EGFLAM: variants seen among roughly 807,000 people sequenced by gnomAD.
EGFLAM encodes the protein pikachurin.
A neutral mutation model predicts 113.1 loss-of-function variants in EGFLAM; 79 were observed. That is an observed-to-expected ratio of 0.70 (90% CI 0.58 to 0.84). The LOEUF (loss-of-function observed/expected upper bound fraction) is 0.84, where lower values mean the gene tolerates loss of function less well. EGFLAM is among the 40% of genes least tolerant of loss of function. The pLI is 0.00. For synonymous variants in EGFLAM, 504 were observed against 487.6 expected (o/e 1.03, Z -0.44); for missense variants, 1,265 against 1,291.6 (o/e 0.98, Z 0.32).
intron 1 of EGFLAM, among the ~76,000 whole-genome samples, chr5:38,336,771 C>A (rs1249565730): frequency 1.3e-5 from 2 of 151,732 alleles, no homozygotes; most frequent in African/African-American, 2.4e-5. Context: ...TTCCAAAATC[C>A]AAAAAAATCT....
intron 1 of EGFLAM, among the ~76,000 whole-genome samples, chr5:38,259,771 C>T (rs1757453075): frequency 6.6e-6 from 1 of 152,154 alleles, no homozygotes; most frequent in Non-Finnish European, 1.5e-5. Flanking sequence ...AACAATATTA[C>T]TTTTATTTGA....
chr5:38,405,963 A>G (rs1579880957), intron 6 of EGFLAM, 163 bp from the exon 7 acceptor site: 7 of 637,404 alleles, frequency 1.1e-5, no homozygotes, highest in Non-Finnish European at 2.0e-5. Context: ...CTTTTTTTAT[A>G]TCTTTTGGTC....
chr5:38,361,332 A>G (rs574447832), intron 5 of EGFLAM, among the ~76,000 whole-genome samples: 10 of 152,246 alleles, frequency 6.6e-5, no homozygotes, highest in African/African-American at 2.2e-4. Context: ...TATACCTCCA[A>G]CATTTACTTG....
chr5:38,412,763 G>C, intron 11 of EGFLAM, 115 bp downstream of exon 11: 6 of 1,419,990 alleles, frequency 4.2e-6, no homozygotes, highest in Non-Finnish European at 3.7e-6. Flanking sequence ...TTCTGGATGG[G>C]CTTGGTAAGG....
chr5:38,266,502 A>T (rs914055948), intron 1 of EGFLAM, among the ~76,000 whole-genome samples: 1 of 152,224 alleles, frequency 6.6e-6, no homozygotes, highest in Non-Finnish European at 1.5e-5. Flanking sequence ...AGGAAGAAAA[A>T]CCTGAAAGAA....
At chr5:38,418,699 C>T (rs1437527476) in intron 12 of EGFLAM, among the ~76,000 whole-genome samples, 2 of 152,216 alleles carry the variant, frequency 1.3e-5, no homozygotes, top group African/African-American at 4.8e-5. Flanking sequence ...CAAACATCTT[C>T]TCATATGCTC....
chr5:38,406,332 T>A, intron 7 of EGFLAM, 91 bp downstream of exon 7: 1 of 1,122,242 alleles, frequency 8.9e-7, no homozygotes, highest in Non-Finnish European at 1.3e-6. Flanking sequence ...ACATTTTACT[T>A]AAAACTTAAA....
At chr5:38,342,203 T>C (rs1434508637) in intron 3 of EGFLAM, among the ~76,000 whole-genome samples, 1 of 152,158 alleles carries the variant, frequency 6.6e-6, no homozygotes, top group Non-Finnish European at 1.5e-5. Context: ...CATGTACTCC[T>C]TCATCTCACA....
chr5:38,413,780 C>T (rs189500208), intron 11 of EGFLAM, among the ~76,000 whole-genome samples: 5 of 152,254 alleles, frequency 3.3e-5, no homozygotes, highest in East Asian at 1.9e-4. Flanking sequence ...CTTTTTGGCA[C>T]GAGGGACCAG....
chr5:38,387,025 A>G (rs1740680865), intron 6 of EGFLAM, among the ~76,000 whole-genome samples: 1 of 152,154 alleles, frequency 6.6e-6, no homozygotes, highest in African/African-American at 2.4e-5. Context: ...CATCACGGTG[A>G]CTTTGGGGAT....
At chr5:38,259,091 G>T (rs1757433908) in intron 1 of EGFLAM, among the ~76,000 whole-genome samples, 1 of 152,250 alleles carries the variant, frequency 6.6e-6, no homozygotes, top group Non-Finnish European at 1.5e-5. Flanking sequence ...GTAGATAGAG[G>T]TGGTGGTCCC....
intron 17 of EGFLAM, among the ~76,000 whole-genome samples, chr5:38,442,272 G>T (rs1287218838): frequency 6.8e-6 from 1 of 146,876 alleles, no homozygotes; most frequent in Non-Finnish European, 1.5e-5. Flanking sequence ...TATATTAAAT[G>T]TTATGTCATT....
At chr5:38,430,768 T>A (rs1742162814) in intron 14 of EGFLAM, among the ~76,000 whole-genome samples, 1 of 152,126 alleles carries the variant, frequency 6.6e-6, no homozygotes, top group Admixed American at 6.5e-5. Context: ...GTATTTCCAG[T>A]CCAAGCCTGA....
At chr5:38,315,921 C>G (rs1465739227) in intron 1 of EGFLAM, among the ~76,000 whole-genome samples, 1 of 151,890 alleles carries the variant, frequency 6.6e-6, no homozygotes, top group East Asian at 1.9e-4. Flanking sequence ...ACTAAAAATA[C>G]AAAAAATTAG....
chr5:38,338,474 T>C (rs1328419322), intron 2 of EGFLAM, among the ~76,000 whole-genome samples: 1 of 152,198 alleles, frequency 6.6e-6, no homozygotes. Flanking sequence ...ACCTCTGCAT[T>C]TCACTTCATT....
intron 6 of EGFLAM, among the ~76,000 whole-genome samples, chr5:38,380,915 T>C (rs967369187): frequency 2.6e-5 from 4 of 152,128 alleles, no homozygotes; most frequent in Admixed American, 6.5e-5. Flanking sequence ...CTAAAGCAAA[T>C]GATAAGGAAA....
At chr5:38,458,283 T>A in intron 19 of EGFLAM, 28 bp from the exon 20 acceptor site, 1 of 1,608,194 alleles carries the variant, frequency 6.2e-7, no homozygotes, top group Non-Finnish European at 8.5e-7. Flanking sequence ...TATTCTGTTC[T>A]CTGTCTTCTT....
intron 6 of EGFLAM, among the ~76,000 whole-genome samples, chr5:38,374,801 C>T (rs577180901): frequency 6.6e-6 from 1 of 152,322 alleles, no homozygotes; most frequent in African/African-American, 2.4e-5. Context: ...GTTAGTTCGG[C>T]CTACGCCCAG....
intron 10 of EGFLAM, among the ~76,000 whole-genome samples, chr5:38,412,124 C>G (rs924582459): frequency 6.6e-6 from 1 of 152,152 alleles, no homozygotes; most frequent in African/African-American, 2.4e-5. Context: ...ATTTTAAATA[C>G]AGGGGGTACA....
Sources: gnomAD v4.1 joint callset for allele counts (sites outside exome capture counted in the v4.1 genomes callset) on GRCh38, gnomAD v4.1.1 for gene constraint, MANE v1.5 for transcripts, NCBI Gene and HGNC (gene_info 2026-07-23, HGNC 2026-07-21) for gene names.